Variants in EPHB1 observed in about 807,000 individuals in gnomAD.
EPHB1 encodes EPH receptor B1.
EPHB1 carries 30 observed loss-of-function variants against 94.4 expected under a neutral mutation model. That is an observed-to-expected ratio of 0.32 (90% CI 0.24 to 0.43). The LOEUF (loss-of-function observed/expected upper bound fraction) is 0.43, where lower values mean the gene tolerates loss of function less well. Among genes scored for constraint, EPHB1 ranks in the 20% least tolerant of loss-of-function variants. The pLI, the probability that EPHB1 is intolerant of heterozygous loss-of-function variation, is 1.00. For synonymous variants in EPHB1, 522 were observed against 489.1 expected, an observed-to-expected ratio of 1.07 and a Z score of -0.89; for missense variants, 1,055 against 1,308.3, an observed-to-expected ratio of 0.81 and a Z score of 2.99.
chr3:134,915,090 A>C (rs2038539281), intron 1 of EPHB1, among the ~76,000 whole-genome samples: 1 of 152,184 alleles, frequency 6.6e-6, no homozygotes, highest in African/African-American at 2.4e-5. Flanking sequence ...AGCTCCCAGC[A>C]CAGGCCCTAG....
Position 134,951,410 on chromosome 3 carries a change from A to G in EPHB1, c.163A>G (p.Ile55Val), listed in dbSNP as rs201772314. 6.5e-4 allele frequency: 1,042 copies of G among 1,595,440 alleles called. 4 individuals carry two copies. The highest frequency in any genetic ancestry group is 2.9e-4 in the Non-Finnish European group (340 of 1,169,608). ...TGGCTACGATGAAAACCTGAACACC[A>G]TCCGCACCTACCAGGTGTGCAATGT... The part of the protein sequence containing the change: ...VSGYDENLNT[I>V]RTYQVCNVFE... Residue 55 changes from isoleucine to valine, a missense_variant, in exon 3 of 16, where the codon ATC (isoleucine) becomes GTC (valine). Coordinates refer to ENST00000398015, the MANE Select transcript of EPHB1 (RefSeq NM_004441.5). The surrounding 1 kb of genome is among the most constrained non-coding windows in gnomAD (Gnocchi z 4.5).
chr3:134,909,538 C>A lies in EPHB1; in HGVS notation c.59-16278C>A, dbSNP rs115299566. ...CCCATCTTCCACTGCATTTGGATAG[C>A]AGGCAGTGCTATGAATGAGCAGATG... On this transcript the variant is annotated intron_variant, in intron 1 of 15. Coordinates refer to ENST00000398015, the MANE Select transcript of EPHB1 (RefSeq NM_004441.5). Among the ~76,000 whole-genome samples the A allele has an allele frequency of 8.4e-3, 1,275 of 152,336 alleles. 23 individuals carry two copies. Among genetic ancestry groups the A allele is most frequent in the African/African-American group, 0.028 (1,176 of 41,574 alleles).
chr3:135,124,460 TA>T (rs1448024279), intron 4 of EPHB1, among the ~76,000 whole-genome samples: 47 of 151,920 alleles, frequency 3.1e-4, no homozygotes, highest in Middle Eastern at 6.8e-3. Context: ...ATCATTACCA[TA>T]TAACAATGAG....
intron 12 of EPHB1, among the ~76,000 whole-genome samples, chr3:135,203,941 A>G (rs1202569204): frequency 6.6e-6 from 1 of 152,188 alleles, no homozygotes; most frequent in Admixed American, 6.5e-5. Flanking sequence ...TGCTGCTTCA[A>G]CAATGAAAAA....
At chr3:135,178,123 T>C (rs1942035890) in intron 9 of EPHB1, among the ~76,000 whole-genome samples, 1 of 151,882 alleles carries the variant, frequency 6.6e-6, no homozygotes, top group African/African-American at 2.4e-5. Context: ...AAAAAAACTG[T>C]TCTGGGCAGG....
At chr3:135,179,789 G>C in intron 9 of EPHB1, 71 bp from the exon 10 acceptor site, 1 of 1,580,594 alleles carries the variant, frequency 6.3e-7, no homozygotes, top group Non-Finnish European at 8.7e-7. Flanking sequence ...TTAGTGCTGG[G>C]GACATCAGCA....
At chr3:135,105,115 C>T (rs1389835152) in intron 3 of EPHB1, among the ~76,000 whole-genome samples, 2 of 152,150 alleles carry the variant, frequency 1.3e-5, no homozygotes. Flanking sequence ...CAGATGGTGG[C>T]TACTGCTATT....
At chr3:135,241,903 G>C (rs942414890) in intron 13 of EPHB1, among the ~76,000 whole-genome samples, 3 of 152,190 alleles carry the variant, frequency 2.0e-5, no homozygotes, top group Non-Finnish European at 4.4e-5. Context: ...GCTTCAGATG[G>C]GCCACAGGAG....
At chr3:134,824,948 C>A (rs1285118288) in intron 1 of EPHB1, among the ~76,000 whole-genome samples, 1 of 152,198 alleles carries the variant, frequency 6.6e-6, no homozygotes, top group African/African-American at 2.4e-5. Flanking sequence ...TGACTGCAAC[C>A]TCCTGAGCCA....
chr3:135,150,163 T>C (rs577364709), intron 5 of EPHB1, among the ~76,000 whole-genome samples: 4 of 152,360 alleles, frequency 2.6e-5, no homozygotes, highest in African/African-American at 9.6e-5. Context: ...GCCATTAGCA[T>C]TGATCTTTCC....
At chr3:135,001,817 A>G (rs997930314) in intron 3 of EPHB1, among the ~76,000 whole-genome samples, 5 of 152,218 alleles carry the variant, frequency 3.3e-5, no homozygotes, top group African/African-American at 1.2e-4. Flanking sequence ...CTCATTATAA[A>G]GAGTTGCATA....
At chr3:135,132,609 G>A in intron 4 of EPHB1, 105 bp from the exon 5 acceptor site, 1 of 972,210 alleles carries the variant, frequency 1.0e-6, no homozygotes, top group Non-Finnish European at 1.5e-6. Context: ...GGAGTGGGAG[G>A]CGAGCGCACT....
chr3:134,864,626 CTCTGAAACCTTTTCCTGCTTTTGCTTT>C (rs759511238), intron 1 of EPHB1, among the ~76,000 whole-genome samples: 5 of 152,328 alleles, frequency 3.3e-5, no homozygotes, highest in Admixed American at 6.5e-5. Flanking sequence ...TATTTTATCT[CTCTGAAACCTTTTCCTGCTTTTGCTTT>C]TCTGAAACCG....
intron 1 of EPHB1, among the ~76,000 whole-genome samples, chr3:134,877,085 C>A (rs1364662011): frequency 1.2e-4 from 19 of 152,190 alleles, no homozygotes; most frequent in Non-Finnish European, 2.6e-4. Context: ...TAAATAGAGC[C>A]ATGCTGAGCA....
At chr3:135,002,752 G>C (rs1266704218) in intron 3 of EPHB1, among the ~76,000 whole-genome samples, 1 of 152,160 alleles carries the variant, frequency 6.6e-6, no homozygotes, top group East Asian at 1.9e-4. Flanking sequence ...GCGTAGAGGT[G>C]TTTGTAGTAT....
intron 3 of EPHB1, among the ~76,000 whole-genome samples, chr3:135,085,778 C>A (rs1938340276): frequency 6.6e-6 from 1 of 152,210 alleles, no homozygotes; most frequent in Non-Finnish European, 1.5e-5. Flanking sequence ...TCCATCTCAG[C>A]ATATTATTAA....
chr3:134,803,218 C>T (rs1484904805), intron 1 of EPHB1, among the ~76,000 whole-genome samples: 1 of 152,194 alleles, frequency 6.6e-6, no homozygotes, highest in African/African-American at 2.4e-5. Flanking sequence ...TCTCTCATCT[C>T]TCCCCTCCCA....
chr3:135,101,633 C>T (rs764119525), intron 3 of EPHB1, among the ~76,000 whole-genome samples: 1 of 152,066 alleles, frequency 6.6e-6, no homozygotes, highest in African/African-American at 2.4e-5. Flanking sequence ...CCACCCGCCT[C>T]GGCCTCCCAA....
chr3:135,159,741 G>A (rs1941456415), intron 6 of EPHB1, among the ~76,000 whole-genome samples: 1 of 152,210 alleles, frequency 6.6e-6, no homozygotes, highest in Non-Finnish European at 1.5e-5. Flanking sequence ...CTTCATTAGA[G>A]TGAGAATGGG....
Sources: gnomAD v4.1 joint callset for allele counts (sites outside exome capture counted in the v4.1 genomes callset) on GRCh38, gnomAD v4.1.1 for gene constraint, Gnocchi (gnomAD v3.1) non-coding constraint, MANE v1.5 for transcripts, NCBI Gene and HGNC (gene_info 2026-07-23, HGNC 2026-07-21) for gene names.